The following NSMAF variants were observed in gnomAD, a reference collection of about 807,000 sequenced individuals.
NSMAF encodes the protein neutral sphingomyelinase activation associated factor.
In NSMAF, 90 loss-of-function variants were observed where a neutral mutation model predicts 134.9. The ratio of observed to expected loss-of-function variants is 0.67; its 90% confidence interval spans 0.56 to 0.79. The LOEUF (loss-of-function observed/expected upper bound fraction) is 0.79, where lower values mean the gene tolerates loss of function less well. Among genes scored for constraint, NSMAF ranks in the 30% least tolerant of loss-of-function variants. NSMAF has a pLI of 0.00. For synonymous variants in NSMAF, 358 were observed against 389.6 expected, an observed-to-expected ratio of 0.92 and a Z score of 0.96; for missense variants, 1,010 against 1,119.0, an observed-to-expected ratio of 0.90 and a Z score of 1.39.
chr8:58,601,083 C>G (rs1039574223), intron 16 of NSMAF: 5 of 448,070 alleles, frequency 1.1e-5, no homozygotes, highest in East Asian at 6.9e-5. Context: ...AAAGGTAGGA[C>G]AAAAAGCTGT....
intron 21 of NSMAF, among the ~76,000 whole-genome samples, chr8:58,596,575 A>T (rs148669315): frequency 2.0e-4 from 30 of 152,312 alleles, no homozygotes; most frequent in African/African-American, 6.7e-4. Context: ...ATACCCTGTA[A>T]ATGTTTGTCA....
Position 58,585,754 on chromosome 8 carries a change from C to G in NSMAF, c.2557G>C (p.Val853Leu), listed in dbSNP as rs991927859. 1.2e-6 allele frequency: 2 copies of G among 1,613,930 alleles called. No homozygotes were observed. Among genetic ancestry groups the G allele is most frequent in the Non-Finnish European group, 8.5e-7 (1 of 1,179,816 alleles). Residue 853 changes from valine to leucine, a missense_variant, in exon 30 of 31, where the codon GTC (valine) becomes CTC (leucine). By Grantham distance (32) the Val-to-Leu change is conservative (BLOSUM62 1). Coordinates refer to ENST00000038176, the MANE Select transcript of NSMAF (RefSeq NM_003580.4). ...GATAAAACGGAATTTCCATCCCAGA[C>G]AAAGCACCTGCAAGAATGATTTAGA... Reference protein sequence around the residue: ...MTSDEPQRCFVWDGNSVLSGS... With the variant: ...MTSDEPQRCFLWDGNSVLSGS...
chr8:58,605,187 G>GA (rs1313384859), intron 12 of NSMAF, among the ~76,000 whole-genome samples: 1 of 152,140 alleles, frequency 6.6e-6, no homozygotes, highest in Non-Finnish European at 1.5e-5. Context: ...GCAAAGGTGG[G>GA]AAAATTCACA....
intron 12 of NSMAF, among the ~76,000 whole-genome samples, chr8:58,605,118 C>T (rs1396922597): frequency 2.0e-5 from 3 of 152,094 alleles, no homozygotes; most frequent in African/African-American, 7.2e-5. Context: ...TTTAATTTAG[C>T]CTTGCAATGT....
chr8:58,624,294 G>C (rs897030796), intron 6 of NSMAF, among the ~76,000 whole-genome samples: 18 of 152,048 alleles, frequency 1.2e-4, no homozygotes, highest in South Asian at 4.2e-4. Context: ...TGATCCACCC[G>C]CCTCGGCCTC....
chr8:58,654,528 C>A (rs1166095460), intron 1 of NSMAF, among the ~76,000 whole-genome samples: 2 of 151,960 alleles, frequency 1.3e-5, no homozygotes, highest in Non-Finnish European at 1.5e-5. Flanking sequence ...CCAGCCTGGG[C>A]AACAAAAGGG....
At chr8:58,590,779 T>C (rs2129139467) in intron 24 of NSMAF, 88 bp downstream of exon 24, 1 of 1,289,984 alleles carries the variant, frequency 7.8e-7, no homozygotes, top group South Asian at 1.4e-5. Flanking sequence ...CTCAATTGTT[T>C]TGGGAGAAAT....
intron 1 of NSMAF, 143 bp downstream of exon 1, chr8:58,659,430 G>A (rs1222396301): frequency 1.3e-6 from 2 of 1,500,988 alleles, no homozygotes; most frequent in Admixed American, 4.2e-5. Context: ...ACAGCCCCCA[G>A]CCCAGGCCCT....
intron 6 of NSMAF, among the ~76,000 whole-genome samples, chr8:58,624,173 CTG>C (rs140695181): frequency 1.7e-4 from 26 of 151,482 alleles, no homozygotes; most frequent in African/African-American, 6.3e-4. Context: ...TCCCGAGTAG[CTG>C]GGGCTAGAGG....
chr8:58,619,531 T>C (rs961708171), intron 9 of NSMAF, among the ~76,000 whole-genome samples: 3 of 152,160 alleles, frequency 2.0e-5, no homozygotes, highest in Admixed American at 2.0e-4. Context: ...ATAGATAAGA[T>C]TTTGTAAATA....
chr8:58,652,467 A>G (rs1241005611), intron 1 of NSMAF, among the ~76,000 whole-genome samples: 1 of 152,162 alleles, frequency 6.6e-6, no homozygotes, highest in African/African-American at 2.4e-5. Flanking sequence ...CTTAGCCCCA[A>G]TCAAGCCAGC....
chr8:58,652,160 GA>G (rs141379793), intron 1 of NSMAF, among the ~76,000 whole-genome samples: 3 of 150,548 alleles, frequency 2.0e-5, no homozygotes, highest in African/African-American at 4.9e-5. Flanking sequence ...GATAGATGAA[GA>G]AAAAAAAATC....
chr8:58,591,084 T>C, intron 23 of NSMAF, 150 bp from the exon 24 acceptor site: 1 of 870,988 alleles, frequency 1.1e-6, no homozygotes. Context: ...TAAACAGAGC[T>C]AGATGACCTA....
chr8:58,658,146 ATGTT>A (rs1015060123), intron 1 of NSMAF, among the ~76,000 whole-genome samples: 12 of 152,302 alleles, frequency 7.9e-5, no homozygotes, highest in African/African-American at 2.9e-4. Context: ...TTAAATATGA[ATGTT>A]CACCCACTCA....
intron 1 of NSMAF, 110 bp downstream of exon 1, chr8:58,659,463 T>C: frequency 6.8e-7 from 1 of 1,476,744 alleles, no homozygotes. Flanking sequence ...GGCCCCTGCC[T>C]CCGTGCCCGG....
chr8:58,591,052 T>C (rs1424497475), intron 23 of NSMAF, 118 bp from the exon 24 acceptor site: 5 of 1,208,598 alleles, frequency 4.1e-6, no homozygotes, highest in African/African-American at 3.1e-5. Flanking sequence ...CTCCAAAGTA[T>C]AATCTTATGG....
At chr8:58,642,318 T>A (rs2129147234) in intron 2 of NSMAF, among the ~76,000 whole-genome samples, 1 of 152,344 alleles carries the variant, frequency 6.6e-6, no homozygotes, top group South Asian at 2.1e-4. Context: ...ACAATTTTCA[T>A]CTTAGTTAAT....
At position 58,590,083 on chromosome 8, in the gene NSMAF, C is replaced by T. The variant is rs764534053; in HGVS notation, c.2020-9G>A. Reference sequence around the variant, plus strand: ...AAACAAGACGATAAAGCCTGAAATACAAATGATTTGACGTTAACAATCTAT... The same window carrying T: ...AAACAAGACGATAAAGCCTGAAATATAAATGATTTGACGTTAACAATCTAT... On this transcript the variant is annotated splice_polypyrimidine_tract_variant and intron_variant, in intron 24 of 30. Coordinates refer to ENST00000038176, the MANE Select transcript of NSMAF (RefSeq NM_003580.4). 6.2e-7 allele frequency: 1 copy of T among 1,610,810 alleles called. No homozygotes were observed. Among genetic ancestry groups the T allele is most frequent in the East Asian group, 2.2e-5 (1 of 44,872 alleles).
intron 21 of NSMAF, among the ~76,000 whole-genome samples, chr8:58,596,637 G>A (rs1346669176): frequency 1.3e-5 from 2 of 152,178 alleles, no homozygotes; most frequent in African/African-American, 4.8e-5. Context: ...TTGAATTCAA[G>A]ATGTATGTGG....
Sources: gnomAD v4.1 joint callset for allele counts (sites outside exome capture counted in the v4.1 genomes callset) on GRCh38, gnomAD v4.1.1 for gene constraint, MANE v1.5 for transcripts, NCBI Gene and HGNC (gene_info 2026-07-23, HGNC 2026-07-21) for gene names.